The following PSTPIP2 variants were observed in gnomAD, a reference collection of about 807,000 sequenced individuals.
PSTPIP2 encodes proline-serine-threonine phosphatase-interacting protein 2.
A neutral mutation model predicts 63.3 loss-of-function variants in PSTPIP2; 33 were observed. The ratio of observed to expected loss-of-function variants is 0.52; its 90% CI spans 0.40 to 0.70. The LOEUF is 0.70. Among genes scored for constraint, PSTPIP2 ranks in the 30% least tolerant of loss-of-function variants. The pLI, the probability that PSTPIP2 is intolerant of heterozygous loss-of-function variation, is 0.00. For synonymous variants in PSTPIP2, 125 were observed against 132.7 expected, an observed-to-expected ratio of 0.94 and a Z score of 0.40; for missense variants, 312 against 400.7, an observed-to-expected ratio of 0.78 and a Z score of 1.89.
At chr18:46,004,025 C>T (rs1457163150) in intron 6 of PSTPIP2, among the ~76,000 whole-genome samples, 3 of 152,036 alleles carry the variant, frequency 2.0e-5, no homozygotes, top group Admixed American at 6.6e-5. Flanking sequence ...CTCGGCCTCC[C>T]GAAGTGCTGG....
At chr18:46,014,440 G>A (rs973726123) in intron 4 of PSTPIP2, among the ~76,000 whole-genome samples, 5 of 152,166 alleles carry the variant, frequency 3.3e-5, no homozygotes, top group African/African-American at 1.2e-4. Flanking sequence ...ATGGCTGAGC[G>A]CAGCGTCTCA....
chr18:46,019,852 G>T (rs1245845927), intron 3 of PSTPIP2, among the ~76,000 whole-genome samples: 2 of 152,010 alleles, frequency 1.3e-5, no homozygotes, highest in Non-Finnish European at 2.9e-5. Context: ...ATGCACCAAT[G>T]GTCAACTGAA....
At chr18:46,002,626 A>G (rs1170899060) in intron 6 of PSTPIP2, among the ~76,000 whole-genome samples, 1 of 152,078 alleles carries the variant, frequency 6.6e-6, no homozygotes, top group East Asian at 1.9e-4. Flanking sequence ...GAGCTTTTCT[A>G]TTTCTTTGCC....
At chr18:46,045,288 T>C (rs1394165106) in intron 1 of PSTPIP2, among the ~76,000 whole-genome samples, 1 of 152,150 alleles carries the variant, frequency 6.6e-6, no homozygotes, top group Non-Finnish European at 1.5e-5. Flanking sequence ...CAGACTGGAT[T>C]AAGAAAATGT....
At chr18:46,053,534 A>C (rs1210695853) in intron 1 of PSTPIP2, among the ~76,000 whole-genome samples, 1 of 152,228 alleles carries the variant, frequency 6.6e-6, no homozygotes, top group East Asian at 1.9e-4. Flanking sequence ...TTTTCAGCAC[A>C]GCAGAGTATG....
chr18:45,993,456 C>G, intron 10 of PSTPIP2, 149 bp downstream of exon 10: 1 of 658,516 alleles, frequency 1.5e-6, no homozygotes, highest in Non-Finnish European at 2.7e-6. Flanking sequence ...TACATGTTAT[C>G]TGCATCCTTC....
intron 1 of PSTPIP2, among the ~76,000 whole-genome samples, chr18:46,040,768 T>C (rs1908163041): frequency 6.6e-6 from 1 of 151,796 alleles, no homozygotes; most frequent in Non-Finnish European, 1.5e-5. Context: ...GTGAAAGAGT[T>C]TTTTAATTGA....
At chr18:46,042,532 A>G (rs1342778235) in intron 1 of PSTPIP2, among the ~76,000 whole-genome samples, 1 of 152,118 alleles carries the variant, frequency 6.6e-6, no homozygotes, top group African/African-American at 2.4e-5. Context: ...AGCTTCTTTC[A>G]AGTTTTGAAC....
At chr18:46,013,897 C>T (rs939673402) in intron 4 of PSTPIP2, among the ~76,000 whole-genome samples, 23 of 152,076 alleles carry the variant, frequency 1.5e-4, no homozygotes, top group African/African-American at 5.1e-4. Context: ...CTAAATTAGC[C>T]TTTACCATTC....
intron 13 of PSTPIP2, chr18:45,989,761 T>G (rs535694965): frequency 6.6e-6 from 1 of 152,170 alleles, no homozygotes. Context: ...ACTCATATAC[T>G]CTTGACCAAA....
chr18:46,019,059 C>T (rs183890260), intron 3 of PSTPIP2, among the ~76,000 whole-genome samples: 51 of 152,144 alleles, frequency 3.4e-4, no homozygotes, highest in African/African-American at 1.2e-3. Context: ...CCAACCTACA[C>T]TTCCTTAAGC....
chr18:46,003,757 T>C (rs2144073777), intron 6 of PSTPIP2, among the ~76,000 whole-genome samples: 1 of 149,332 alleles, frequency 6.7e-6, no homozygotes, highest in Non-Finnish European at 1.5e-5. Context: ...TTTCAGAGTT[T>C]TTTTTTTTTT....
intron 3 of PSTPIP2, among the ~76,000 whole-genome samples, chr18:46,023,944 A>C (rs1907478776): frequency 6.6e-6 from 1 of 152,062 alleles, no homozygotes; most frequent in Non-Finnish European, 1.5e-5. Context: ...AAAGGTGTAC[A>C]TATAAAAAAC....
At chr18:45,997,905 A>C (rs1003498913) in intron 8 of PSTPIP2, 77 bp from the exon 9 acceptor site, 9 of 1,268,780 alleles carry the variant, frequency 7.1e-6, no homozygotes, top group Non-Finnish European at 9.1e-6. Flanking sequence ...GGCTGGTCTC[A>C]GATGGCAAAA....
chr18:46,016,302 T>C (rs937235295), intron 3 of PSTPIP2: 1 of 208,760 alleles, frequency 4.8e-6, no homozygotes, highest in Non-Finnish European at 9.9e-6. Flanking sequence ...AGGTGGAGGT[T>C]GCAGCAAGCC....
At chr18:46,061,579 G>GACAA (rs1568233250) in intron 1 of PSTPIP2, among the ~76,000 whole-genome samples, 3 of 152,198 alleles carry the variant, frequency 2.0e-5, no homozygotes, top group Non-Finnish European at 4.4e-5. Flanking sequence ...CTTATGGGCA[G>GACAA]GAACTAGACA....
intron 12 of PSTPIP2, among the ~76,000 whole-genome samples, chr18:45,991,505 C>T (rs373563595): frequency 4.8e-4 from 73 of 152,232 alleles, no homozygotes; most frequent in African/African-American, 1.5e-3. Flanking sequence ...TCTCACATGT[C>T]ACAAAACAGT....
chr18:46,039,848 C>T lies in PSTPIP2; in HGVS notation c.134+99G>A, dbSNP rs1445449186. 3.9e-6 allele frequency: 4 copies of T among 1,022,094 alleles called. No individual in the cohort carries two copies. In the African/African-American group the frequency reaches 4.8e-5, roughly 12 times the overall value. 63.3% of individuals were successfully genotyped at this position (1,022,094 alleles called of 1,614,324 possible). A position where few individuals can be genotyped will look rare whatever the true frequency, so the allele number is the denominator to read the frequency against. ...TAACCTAGAGCAGAGAGAGGGTCTTCAGAACCATTAAACACAAATGAAAAA... is the reference window on the plus strand; with the variant it reads ...TAACCTAGAGCAGAGAGAGGGTCTTTAGAACCATTAAACACAAATGAAAAA... On this transcript the variant is annotated intron_variant, in intron 2 of 14. Coordinates refer to ENST00000409746, the MANE Select transcript of PSTPIP2 (RefSeq NM_024430.4).
In PSTPIP2 at chr18:46,054,134, A is replaced by G. The variant is rs186312584; in HGVS notation, c.34-14087T>C. 2.0e-3 allele frequency among the ~76,000 whole-genome samples: 302 copies of G among 152,310 alleles called. 2 individuals carry two copies. Among genetic ancestry groups the G allele is most frequent in the Middle Eastern group, 6.8e-3 (2 of 294 alleles). ...GAGTATTATGTATCTAAACATATCAAACAGAAATGGTATAGTAAAAATACT... is the reference window on the plus strand; with the variant it reads ...GAGTATTATGTATCTAAACATATCAGACAGAAATGGTATAGTAAAAATACT... On this transcript the variant is annotated intron_variant, in intron 1 of 14. Coordinates refer to ENST00000409746, the MANE Select transcript of PSTPIP2 (RefSeq NM_024430.4).
Sources: gnomAD v4.1 joint callset for allele counts (sites outside exome capture counted in the v4.1 genomes callset) on GRCh38, gnomAD v4.1.1 for gene constraint, MANE v1.5 for transcripts, NCBI Gene and HGNC (gene_info 2026-07-23, HGNC 2026-07-21) for gene names.